TRPM1: variants seen among roughly 807,000 people sequenced by gnomAD.
TRPM1 encodes transient receptor potential cation channel subfamily M member 1, also known as TRPM1-203 APA Isoform, Intron 10.
TRPM1 carries 113 observed loss-of-function variants against 149.4 expected under a neutral mutation model. The observed-to-expected ratio is 0.76, with a 90% CI of 0.65 to 0.88. The LOEUF is 0.88. Ranked by LOEUF, TRPM1 falls within the 40% of genes least tolerant of loss-of-function variation. TRPM1 has a pLI of 0.00. For synonymous variants in TRPM1, 741 were observed against 759.5 expected (o/e 0.98, Z 0.40); for missense variants, 1,976 against 2,038.7 (o/e 0.97, Z 0.59).
rs184386608 is a variant in TRPM1, at chr15:31,069,887, T to C, written c.279+144A>G. The C allele has an allele frequency of 2.5e-6, 4 of 1,600,572 alleles. No individual in the cohort carries two copies. In the African/African-American group the frequency reaches 5.3e-5, roughly 21 times the overall value. ...TGGCTAAAAGCCATGTGCACAGATA[T>C]ATCTCTTGGTTTTTCAATGAAATAT... On this transcript the variant is annotated intron_variant, in intron 4 of 27. Coordinates refer to ENST00000256552, the MANE Select transcript of TRPM1 (RefSeq NM_001252024.2).
chr15:31,028,638 G>A lies in TRPM1; in HGVS notation c.3149-162C>T, dbSNP rs7172938. Among the ~76,000 whole-genome samples, 34,529 of 151,512 alleles carry A rather than the reference G, an allele frequency of 0.23. 5,773 individuals carry two copies. The highest frequency in any genetic ancestry group is 0.48 in the African/African-American group (19,661 of 41,272). On this transcript the variant is annotated intron_variant, in intron 24 of 27. Transcript: ENST00000256552. ...GGAAAAAATAAACTCTGTAGCCCCAGCTACTCGGGAGTCTGAGGCAGGAGA... is the reference window on the plus strand; with the variant it reads ...GGAAAAAATAAACTCTGTAGCCCCAACTACTCGGGAGTCTGAGGCAGGAGA...
chr15:31,148,596 T>C (rs893303815), intron 1 of TRPM1, among the ~76,000 whole-genome samples: 1 of 152,174 alleles, frequency 6.6e-6, no homozygotes, highest in Admixed American at 6.5e-5. Context: ...AAAACTCCCA[T>C]GCCTCACCAC....
At chr15:31,139,341 G>A (rs1402679250) in intron 1 of TRPM1, among the ~76,000 whole-genome samples, 13 of 152,124 alleles carry the variant, frequency 8.5e-5, no homozygotes, top group Admixed American at 8.5e-4. Flanking sequence ...GTGTTGCCTA[G>A]ATAACAACTG....
At chr15:31,106,903 G>A (rs1275697409) in intron 1 of TRPM1, among the ~76,000 whole-genome samples, 1 of 152,140 alleles carries the variant, frequency 6.6e-6, no homozygotes, top group African/African-American at 2.4e-5. Flanking sequence ...GATTTTATGA[G>A]TCCTTGTTTT....
chr15:31,092,042 A>T (rs1281806812), intron 1 of TRPM1, among the ~76,000 whole-genome samples: 1 of 146,336 alleles, frequency 6.8e-6, no homozygotes, highest in Non-Finnish European at 1.5e-5. Flanking sequence ...AAGCCCCCAT[A>T]AAGTGGTCTA....
chr15:31,095,291 A>G (rs1436071076), intron 1 of TRPM1, among the ~76,000 whole-genome samples: 1 of 152,248 alleles, frequency 6.6e-6, no homozygotes, highest in Non-Finnish European at 1.5e-5. Context: ...GGACAGAGAG[A>G]CAAGGTAGTT....
intron 1 of TRPM1, among the ~76,000 whole-genome samples, chr15:31,113,350 A>C (rs924576304): frequency 3.3e-5 from 5 of 152,110 alleles, no homozygotes; most frequent in African/African-American, 1.2e-4. Flanking sequence ...GGAAAGAGCC[A>C]GGGCCACCAT....
At chr15:31,023,153 C>T (rs2032606416) in intron 27 of TRPM1, among the ~76,000 whole-genome samples, 1 of 152,198 alleles carries the variant, frequency 6.6e-6, no homozygotes, top group South Asian at 2.1e-4. Context: ...AGGGTCCTGA[C>T]CTAGTCTAAG....
At chr15:31,125,653 C>A (rs1327132059) in intron 1 of TRPM1, among the ~76,000 whole-genome samples, 1 of 135,230 alleles carries the variant, frequency 7.4e-6, no homozygotes, top group African/African-American at 2.8e-5. Flanking sequence ...TGGCGTGAAC[C>A]CGGGAGGCGG....
At chr15:31,013,383 C>T (rs926547240) in intron 27 of TRPM1, among the ~76,000 whole-genome samples, 8 of 151,810 alleles carry the variant, frequency 5.3e-5, no homozygotes, top group African/African-American at 1.2e-4. Flanking sequence ...ATATAATTTC[C>T]ACCTCTTTAT....
intron 1 of TRPM1, among the ~76,000 whole-genome samples, chr15:31,152,886 T>C (rs567971777): frequency 1.3e-5 from 2 of 152,278 alleles, no homozygotes; most frequent in South Asian, 4.1e-4. Flanking sequence ...CAAGTGATCC[T>C]CTTGCCTCAG....
At chr15:31,079,051 T>A (rs1373446260) in intron 2 of TRPM1, among the ~76,000 whole-genome samples, 2 of 152,194 alleles carry the variant, frequency 1.3e-5, no homozygotes, top group East Asian at 3.9e-4. Context: ...AAGGTCACAA[T>A]GAACCTTGTA....
At chr15:31,135,121 C>T (rs970314473) in intron 1 of TRPM1, among the ~76,000 whole-genome samples, 4 of 152,126 alleles carry the variant, frequency 2.6e-5, no homozygotes, top group African/African-American at 9.7e-5. Context: ...CAAGAAGTCC[C>T]GGTAAGAACT....
chr15:31,033,583 G>A (rs757666725), intron 21 of TRPM1, among the ~76,000 whole-genome samples: 11 of 152,202 alleles, frequency 7.2e-5, no homozygotes, highest in South Asian at 4.1e-4. Context: ...GGGATGGAGG[G>A]TTGCCATGCC....
Position 31,007,277 on chromosome 15 carries a change from C to T in TRPM1, c.3630-4207G>A, listed in dbSNP as rs139225286. ...CATTCGTCGTTGAATTAGTTTTGCA[C>T]CTTTGGGGAAAGAAATCAATTATCT... On this transcript the variant is annotated intron_variant, in intron 27 of 27. Coordinates refer to ENST00000256552, the MANE Select transcript of TRPM1 (RefSeq NM_001252024.2). Among the ~76,000 whole-genome samples, 512 of 152,184 alleles carry T rather than the reference C, an allele frequency of 3.4e-3. 5 individuals carry two copies. The highest frequency in any genetic ancestry group is 0.012 in the African/African-American group (480 of 41,496).
rs537726227 is a variant in TRPM1, at chr15:31,005,685, C to T, written c.3630-2615G>A. On this transcript the variant is annotated intron_variant, in intron 27 of 27. Transcript: ENST00000256552. Reference sequence around the variant, plus strand: ...AGCTATGCCAAACGATGGGAAGTTGCATTGAGTTTTATAGTACGTATGAAA... The same window carrying T: ...AGCTATGCCAAACGATGGGAAGTTGTATTGAGTTTTATAGTACGTATGAAA... Among the ~76,000 whole-genome samples the T allele has an allele frequency of 2.6e-5, 4 of 152,300 alleles. No homozygotes were observed. In the South Asian group the frequency reaches 8.3e-4, roughly 32 times the overall value.
At chr15:31,082,966 C>T (rs1399749112) in intron 1 of TRPM1, among the ~76,000 whole-genome samples, 2 of 151,996 alleles carry the variant, frequency 1.3e-5, no homozygotes, top group Non-Finnish European at 2.9e-5. Context: ...GGTGTTTACA[C>T]ACACAGGTGG....
intron 4 of TRPM1, 147 bp from the exon 5 acceptor site, chr15:31,068,239 C>A: frequency 1.3e-6 from 1 of 755,302 alleles, no homozygotes; most frequent in Non-Finnish European, 2.3e-6. Context: ...GAGTCTGTGG[C>A]CAAGTGACTG....
intron 27 of TRPM1, among the ~76,000 whole-genome samples, chr15:31,011,482 C>G (rs2140877602): frequency 1.3e-5 from 2 of 152,150 alleles, no homozygotes; most frequent in East Asian, 3.9e-4. Flanking sequence ...CCTTGAACCC[C>G]TGGGCTTAAG....
Sources: gnomAD v4.1 joint callset for allele counts (sites outside exome capture counted in the v4.1 genomes callset) on GRCh38, gnomAD v4.1.1 for gene constraint, MANE v1.5 for transcripts, NCBI Gene and HGNC (gene_info 2026-07-23, HGNC 2026-07-21) for gene names.